NAA11: variants seen among roughly 807,000 people sequenced by gnomAD.
The protein encoded by NAA11 is N-alpha-acetyltransferase 11.
A neutral mutation model predicts 16.1 loss-of-function variants in NAA11; 15 were observed. The observed-to-expected ratio is 0.93, with a 90% CI of 0.62 to 1.44. NAA11 has a LOEUF of 1.44. Among genes scored for constraint, NAA11 ranks in the 40% most tolerant of loss-of-function variants. NAA11 has a pLI of 0.00. For synonymous variants in NAA11, 122 were observed against 112.4 expected (o/e 1.09, Z -0.54); for missense variants, 298 against 291.3 (o/e 1.02, Z -0.17).
chr4:79,163,540 G>A, the NAA11 span, among the ~76,000 whole-genome samples: 1 of 152,194 alleles, frequency 6.6e-6, no homozygotes. Flanking sequence ...TTATACTAGA[G>A]GTGTCTGCTG....
chr4:79,170,982 T>C, the NAA11 span, among the ~76,000 whole-genome samples: 1 of 152,288 alleles, frequency 6.6e-6, no homozygotes, highest in Non-Finnish European at 1.5e-5. Context: ...AAAGATTCTT[T>C]TAGAGTTTGT....
chr4:79,183,378 G>A, the NAA11 span, among the ~76,000 whole-genome samples: 1 of 152,092 alleles, frequency 6.6e-6, no homozygotes, highest in African/African-American at 2.4e-5. Flanking sequence ...GCTTGCTATT[G>A]AGGTGGCAAA....
chr4:79,296,803 C>T (rs934753264), intron 1 of NAA11, among the ~76,000 whole-genome samples: 1 of 152,172 alleles, frequency 6.6e-6, no homozygotes, highest in Admixed American at 6.5e-5. Context: ...AACATTTATC[C>T]CCACCCATAG....
chr4:79,230,292 G>T (rs1035802249), intron 2 of NAA11, among the ~76,000 whole-genome samples: 1 of 151,666 alleles, frequency 6.6e-6, no homozygotes, highest in Non-Finnish European at 1.5e-5. Flanking sequence ...GGGGAGAGGG[G>T]AGGGATAGCA....
intron 2 of NAA11, among the ~76,000 whole-genome samples, chr4:79,231,840 G>A (rs570739570): frequency 1.7e-4 from 25 of 151,382 alleles, no homozygotes; most frequent in African/African-American, 6.1e-4. Context: ...GGATGCATTC[G>A]GCAAAAATCC....
At chr4:79,194,889 A>T in the NAA11 span, among the ~76,000 whole-genome samples, 1 of 152,124 alleles carries the variant, frequency 6.6e-6, no homozygotes, top group African/African-American at 2.4e-5. Flanking sequence ...TAACTTGCTC[A>T]GTGTCACACA....
In NAA11 at chr4:79,325,784, A is replaced by G; in HGVS notation, c.94T>C (p.Leu32=). The part of the protein sequence containing the change: ...LPENYQMKYY[L]YHGLSWPQLS... ...TGGGGCCAGGAAAGGCCATGATATA[A>G]ATAGTATTTCATCTGGTAGTTCTCA... Residue 32 remains leucine (L), a synonymous_variant, in exon 1 of 2, where the codon TTA becomes CTA. Coordinates refer to ENST00000286794, the MANE Select transcript of NAA11 (RefSeq NM_032693.3). The G allele has an allele frequency of 6.2e-7, 1 of 1,614,160 alleles. No individual in the cohort carries two copies. The highest frequency in any genetic ancestry group is 8.5e-7 in the Non-Finnish European group (1 of 1,180,016).
the NAA11 span, among the ~76,000 whole-genome samples, chr4:79,216,173 G>A: frequency 6.6e-6 from 1 of 152,018 alleles, no homozygotes; most frequent in Non-Finnish European, 1.5e-5. Context: ...TAGGAGATAA[G>A]TGAACAAAAA....
At chr4:79,252,088 A>C (rs180708502) in intron 2 of NAA11, among the ~76,000 whole-genome samples, 117 of 152,328 alleles carry the variant, frequency 7.7e-4, no homozygotes, top group Non-Finnish European at 1.1e-3. Flanking sequence ...CTCATAAACA[A>C]AGTCAAATAT....
chr4:79,301,841 T>C (rs1299639438), intron 1 of NAA11, among the ~76,000 whole-genome samples: 1 of 152,234 alleles, frequency 6.6e-6, no homozygotes, highest in Non-Finnish European at 1.5e-5. Context: ...GCTAATTTTA[T>C]CTTACAATTT....
chr4:79,180,392 AAAAC>A, the NAA11 span, among the ~76,000 whole-genome samples: 10 of 152,128 alleles, frequency 6.6e-5, no homozygotes, highest in Admixed American at 3.3e-4. Context: ...GTCTCGAATA[AAAAC>A]AAACAACCCC....
chr4:79,180,781 G>A, the NAA11 span, among the ~76,000 whole-genome samples: 17 of 152,090 alleles, frequency 1.1e-4, 1 homozygote, highest in South Asian at 8.3e-4. Context: ...ACATGCACAC[G>A]TATGTTTACT....
chr4:79,248,269 C>T (rs1299788427), intron 2 of NAA11, among the ~76,000 whole-genome samples: 1 of 152,084 alleles, frequency 6.6e-6, no homozygotes, highest in African/African-American at 2.4e-5. Context: ...TTCACCAGCC[C>T]GCCTGCACCT....
chr4:79,230,531 C>T (rs1721438820), intron 2 of NAA11, among the ~76,000 whole-genome samples: 1 of 151,854 alleles, frequency 6.6e-6, no homozygotes, highest in South Asian at 2.1e-4. Flanking sequence ...CTCACACAAG[C>T]ACATAAATGC....
downstream of NAA11, among the ~76,000 whole-genome samples, chr4:79,314,217 G>A (rs1723864688): frequency 6.6e-6 from 1 of 152,098 alleles, no homozygotes; most frequent in Non-Finnish European, 1.5e-5. Flanking sequence ...AGAAAGTTGA[G>A]CAGAGTTCCC....
rs575372247 is a variant in NAA11, at chr4:79,270,006, A to G, written c.*122+23999T>C. 1.4e-3 allele frequency among the ~76,000 whole-genome samples: 214 copies of G among 151,820 alleles called. 4 individuals carry two copies. In the South Asian group the frequency reaches 0.042, roughly 30 times the overall value. ...TTTTCTCAGGTTTGTCAAAGATCAG[A>G]CAGTTGTAGGTATGCGGCGTTATTT... On this transcript the variant is annotated intron_variant and NMD_transcript_variant, in intron 2 of 2. Transcript: ENST00000511542.
At position 79,325,300 on chromosome 4, in the gene NAA11, T is replaced by G; in HGVS notation, c.578A>C (p.Gln193Pro). ...STLSDSEEAC[Q>P]QKNPATEESG... ...TTCTTCGGTAGCCGGGTTCTTTTGC[T>G]GACAGGCCTCTTCAGAATCAGAAAG... is the stretch of plus-strand genomic sequence containing the variant. Residue 193 changes from glutamine (Q) to proline (P), a missense_variant, in exon 1 of 2, where the codon CAG (glutamine) becomes CCG (proline). Gln to Pro is a moderately conservative substitution (Grantham distance 76, BLOSUM62 -1). Transcript: ENST00000286794. The G allele has an allele frequency of 6.2e-7, 1 of 1,613,966 alleles. No homozygotes were observed. Among genetic ancestry groups the G allele is most frequent in the Non-Finnish European group, 8.5e-7 (1 of 1,179,850 alleles).
At chr4:79,262,305 A>G (rs954734374) in intron 2 of NAA11, among the ~76,000 whole-genome samples, 5 of 152,210 alleles carry the variant, frequency 3.3e-5, no homozygotes, top group Non-Finnish European at 5.9e-5. Context: ...AGACTTAGAG[A>G]TCTATGCAAA....
At chr4:79,313,377 T>C (rs1723835246), downstream of NAA11, among the ~76,000 whole-genome samples, 1 of 152,148 alleles carries the variant, frequency 6.6e-6, no homozygotes, top group South Asian at 2.1e-4. Context: ...TAAGCCAAAC[T>C]AGGACTAAAA....
Sources: gnomAD v4.1 joint callset for allele counts (sites outside exome capture counted in the v4.1 genomes callset) on GRCh38, gnomAD v4.1.1 for gene constraint, MANE v1.5 for transcripts, NCBI Gene and HGNC (gene_info 2026-07-23, HGNC 2026-07-21) for gene names.